Variants in TRIM24 observed in about 807,000 individuals in gnomAD.
TRIM24 encodes the protein tripartite motif containing 24, also known as transcription intermediary factor 1-alpha.
A neutral mutation model predicts 123.9 loss-of-function variants in TRIM24; 29 were observed. That is an observed-to-expected ratio of 0.23 (90% CI 0.17 to 0.32). The LOEUF (loss-of-function observed/expected upper bound fraction) is 0.32. Among genes scored for constraint, TRIM24 ranks in the 10% least tolerant of loss-of-function variants. The pLI, the probability that TRIM24 is intolerant of heterozygous loss-of-function variation, is 1.00. For missense variants in TRIM24, 932 were observed against 1,295.3 expected (o/e 0.72, Z 4.31); for synonymous variants, 456 against 461.1 (o/e 0.99, Z 0.14).
intron 2 of TRIM24, among the ~76,000 whole-genome samples, chr7:138,512,798 C>T (rs996181617): frequency 2.0e-5 from 3 of 152,114 alleles, no homozygotes; most frequent in Admixed American, 6.5e-5. Flanking sequence ...CAAGGCCTTC[C>T]CCCTACCCCC....
At chr7:138,489,692 T>C (rs1307176106) in intron 1 of TRIM24, among the ~76,000 whole-genome samples, 1 of 152,226 alleles carries the variant, frequency 6.6e-6, no homozygotes, top group Non-Finnish European at 1.5e-5. Flanking sequence ...TCTCTTGGCT[T>C]GTAGAGTTTC....
intron 13 of TRIM24, 109 bp downstream of exon 13, chr7:138,576,554 AT>A: frequency 1.2e-6 from 1 of 862,782 alleles, no homozygotes; most frequent in Non-Finnish European, 1.7e-6. Context: ...AATTTCCTTT[AT>A]TTTTAATTAA....
intron 1 of TRIM24, chr7:138,491,511 T>C (rs939516115): frequency 2.0e-5 from 3 of 152,926 alleles, no homozygotes; most frequent in Admixed American, 6.5e-5. Context: ...ATAGCACATA[T>C]CAGACATCAC....
At chr7:138,584,095 G>A in intron 18 of TRIM24, 96 bp downstream of exon 18, 4 of 1,369,162 alleles carry the variant, frequency 2.9e-6, no homozygotes, top group Non-Finnish European at 3.9e-6. Context: ...CAAGATGTCT[G>A]AGTTAGAATA....
chr7:138,574,801 A>G (rs1291453692), intron 12 of TRIM24, among the ~76,000 whole-genome samples: 1 of 152,170 alleles, frequency 6.6e-6, no homozygotes, highest in Non-Finnish European at 1.5e-5. Context: ...AGTACCTTAT[A>G]TGTATTACCT....
At chr7:138,542,903 T>C (rs1797031848) in intron 7 of TRIM24, among the ~76,000 whole-genome samples, 1 of 152,248 alleles carries the variant, frequency 6.6e-6, no homozygotes, top group South Asian at 2.1e-4. Flanking sequence ...GTCTCCATCC[T>C]GAGTCTTATT....
At chr7:138,487,657 G>A (rs1795678313) in intron 1 of TRIM24, among the ~76,000 whole-genome samples, 1 of 152,142 alleles carries the variant, frequency 6.6e-6, no homozygotes, top group African/African-American at 2.4e-5. Context: ...TTCTCAATAT[G>A]CATATGTTGA....
rs535543712 is a variant in TRIM24 at position 138,561,277 on chromosome 7, C to T, written c.1531-6204C>T. Among the ~76,000 whole-genome samples the T allele has an allele frequency of 4.6e-5, 7 of 152,266 alleles. No homozygotes were observed. The East Asian group carries it at 1.2e-3, about 25-fold the overall frequency. On this transcript the variant is annotated intron_variant, in intron 9 of 18. Transcript: ENST00000343526. ...GACCCCTTCCAATACAAAATTGCTT[C>T]CATCTGTAAAGTATTCAACATCTGG...
chr7:138,577,123 A>C (rs1210290633), intron 13 of TRIM24, among the ~76,000 whole-genome samples: 1 of 152,248 alleles, frequency 6.6e-6, no homozygotes, highest in African/African-American at 2.4e-5. Flanking sequence ...ATCAGATGCC[A>C]GTTCTAAGAT....
intron 7 of TRIM24, 148 bp downstream of exon 7, chr7:138,538,951 T>A: frequency 1.5e-6 from 1 of 660,984 alleles, no homozygotes. Context: ...TTAATATTTT[T>A]ACCTGGCATA....
chr7:138,567,644 C>T lies in TRIM24; in HGVS notation c.1694C>T (p.Ala565Val), dbSNP rs1797563819. The T allele has an allele frequency of 6.2e-7, 1 of 1,610,408 alleles. No individual in the cohort carries two copies. The highest frequency in any genetic ancestry group is 1.7e-5 in the Admixed American group (1 of 59,288). ...PLQMAFLAQQ[A>V]IKQWQISSGQ... The stretch of plus-strand genomic sequence containing the variant: ...CAGATGGCTTTCTTGGCTCAACAAG[C>T]CATAAAACAGGTATATATCTACCTT... Residue 565 changes from alanine to valine, a missense_variant, in exon 10 of 19, where the codon GCC becomes GTC. By Grantham distance (64) the Ala-to-Val change is moderately conservative. Transcript: ENST00000343526.
intron 2 of TRIM24, among the ~76,000 whole-genome samples, chr7:138,513,886 A>T (rs1011139018): frequency 2.6e-5 from 4 of 152,208 alleles, no homozygotes; most frequent in Non-Finnish European, 5.9e-5. Flanking sequence ...TGGAGATTAC[A>T]TTCTAGATTA....
At chr7:138,467,908 T>C (rs2116449485) in intron 1 of TRIM24, among the ~76,000 whole-genome samples, 1 of 152,304 alleles carries the variant, frequency 6.6e-6, no homozygotes, top group South Asian at 2.1e-4. Context: ...TCTTTTTTTT[T>C]TGTTTCAAGG....
intron 9 of TRIM24, among the ~76,000 whole-genome samples, chr7:138,565,938 TG>T (rs1286893105): frequency 6.6e-6 from 1 of 152,028 alleles, no homozygotes; most frequent in Non-Finnish European, 1.5e-5. Context: ...AATTGAGTAA[TG>T]GTAAGGGGGA....
chr7:138,508,778 G>A (rs998784617), intron 2 of TRIM24, among the ~76,000 whole-genome samples: 11 of 150,746 alleles, frequency 7.3e-5, no homozygotes, highest in East Asian at 2.0e-4. Context: ...AGTCATTGCT[G>A]TCTCCCTTGC....
Position 138,529,227 on chromosome 7 carries a change from A to G in TRIM24, c.993A>G (p.Leu331=). ...NKKGKALLHQ[L]ESLAKDHRMK... The stretch of plus-strand genomic sequence containing the variant: ...AAGGAAAAGCTCTACTGCATCAGTT[A>G]GAGGTAAGTGACTGCCCATGGGATA... The change falls in exon 6 of 19, where the codon TTA becomes TTG. Residue 331 remains leucine, a synonymous_variant. Transcript: ENST00000343526. 2 of 1,494,060 alleles carry G rather than the reference A, an allele frequency of 1.3e-6. No individual in the cohort carries two copies. The highest frequency in any genetic ancestry group is 9.0e-7 in the Non-Finnish European group (1 of 1,108,168). The allele number at this position is 1,494,060 out of a possible 1,614,324, so 92.6% of individuals were successfully genotyped here. A position where few individuals can be genotyped will look rare whatever the true frequency, so the allele number is the denominator to read the frequency against.
At chr7:138,480,612 GGT>G (rs1167136812) in intron 1 of TRIM24, among the ~76,000 whole-genome samples, 1 of 152,038 alleles carries the variant, frequency 6.6e-6, no homozygotes, top group Admixed American at 6.6e-5. Flanking sequence ...CTGAGGTTTT[GGT>G]GTGTGGGTGT....
chr7:138,478,382 C>CT (rs1185514263), intron 1 of TRIM24, among the ~76,000 whole-genome samples: 1 of 140,920 alleles, frequency 7.1e-6, no homozygotes, highest in African/African-American at 2.5e-5. Context: ...TGGTTCATGC[C>CT]TGTAATCCCA....
intron 7 of TRIM24, among the ~76,000 whole-genome samples, chr7:138,539,990 C>T (rs777034468): frequency 6.6e-5 from 10 of 151,942 alleles, no homozygotes; most frequent in Non-Finnish European, 8.8e-5. Flanking sequence ...TTAGTAGAGA[C>T]GGGGTTTCAC....
Sources: allele counts gnomAD v4.1 joint callset (sites outside exome capture counted in the v4.1 genomes callset), GRCh38; gene constraint gnomAD v4.1.1; transcripts MANE v1.5; gene names NCBI Gene and HGNC (gene_info 2026-07-23, HGNC 2026-07-21).